The following GPHN variants were observed in gnomAD, a reference collection of about 807,000 sequenced individuals.
GPHN encodes the protein gephyrin.
A neutral mutation model predicts 95.5 loss-of-function variants in GPHN; 17 were observed. That is an observed-to-expected ratio of 0.18 (90% confidence interval 0.12 to 0.27). The LOEUF is 0.27. Among genes scored for constraint, GPHN ranks in the 10% least tolerant of loss-of-function variants. GPHN has a pLI of 1.00. For synonymous variants in GPHN, 320 were observed against 322.5 expected, an observed-to-expected ratio of 0.99 and a Z score of 0.08; for missense variants, 660 against 978.1, an observed-to-expected ratio of 0.67 and a Z score of 4.34.
the GPHN span, chr14:67,562,304 A>G: frequency 1.2e-6 from 2 of 1,613,962 alleles, no homozygotes; most frequent in Non-Finnish European, 1.7e-6. Context: ...TGCCCTGCAG[A>G]GCAAGGACTC....
chr14:67,262,473 G>C, the GPHN span, among the ~76,000 whole-genome samples: 1 of 151,990 alleles, frequency 6.6e-6, no homozygotes, highest in East Asian at 1.9e-4. Flanking sequence ...TTTGGCTCCT[G>C]GTCTCCAAAT....
intron 2 of GPHN, among the ~76,000 whole-genome samples, chr14:66,699,953 T>A (rs931711228): frequency 6.6e-6 from 1 of 152,226 alleles, no homozygotes; most frequent in African/African-American, 2.4e-5. Flanking sequence ...TTATGTTTTC[T>A]TATGACTGGA....
intron 1 of GPHN, among the ~76,000 whole-genome samples, chr14:66,543,164 A>G (rs1022725240): frequency 6.6e-6 from 1 of 152,074 alleles, no homozygotes; most frequent in African/African-American, 2.4e-5. Context: ...CTGTGATCCA[A>G]TCACCCCCTA....
the GPHN span, chr14:67,581,480 C>A: frequency 5.9e-6 from 1 of 169,064 alleles, no homozygotes; most frequent in South Asian, 1.5e-4. Context: ...GAGCTGAGAT[C>A]ACGCCACTGC....
At chr14:67,374,668 G>C in the GPHN span, 2 of 608,234 alleles carry the variant, frequency 3.3e-6, no homozygotes, top group Non-Finnish European at 5.1e-6. Flanking sequence ...TCTCAAATTA[G>C]TACTAGAAGT....
chr14:66,561,235 T>C (rs1046943469), intron 1 of GPHN, among the ~76,000 whole-genome samples: 48 of 152,204 alleles, frequency 3.2e-4, no homozygotes, highest in African/African-American at 1.2e-3. Flanking sequence ...GGCTTTGGTA[T>C]CAGGATGATG....
chr14:66,883,035 G>A (rs1261583339), intron 5 of GPHN, among the ~76,000 whole-genome samples: 5 of 151,634 alleles, frequency 3.3e-5, no homozygotes, highest in Non-Finnish European at 5.9e-5. Flanking sequence ...TGATGTATCT[G>A]GGTGTAGTTT....
intron 1 of GPHN, among the ~76,000 whole-genome samples, chr14:66,562,798 G>A (rs1308271241): frequency 2.6e-5 from 4 of 152,216 alleles, no homozygotes; most frequent in South Asian, 2.1e-4. Flanking sequence ...TGGTGATAAA[G>A]TATCAACTAA....
the GPHN span, among the ~76,000 whole-genome samples, chr14:67,560,247 G>T: frequency 6.6e-6 from 1 of 151,992 alleles, no homozygotes; most frequent in Non-Finnish European, 1.5e-5. Context: ...GGCTGGTCTC[G>T]AACTCCTGAC....
chr14:67,228,779 TG>T, the GPHN span, among the ~76,000 whole-genome samples: 1 of 152,212 alleles, frequency 6.6e-6, no homozygotes, highest in Non-Finnish European at 1.5e-5. Flanking sequence ...TTTCTAACAT[TG>T]GAGAATGTGA....
At chr14:67,410,916 T>C in the GPHN span, among the ~76,000 whole-genome samples, 1 of 152,072 alleles carries the variant, frequency 6.6e-6, no homozygotes. Context: ...GAGGCTAAGG[T>C]GGGCAGATGA....
At chr14:67,475,011 G>A in the GPHN span, among the ~76,000 whole-genome samples, 1 of 151,316 alleles carries the variant, frequency 6.6e-6, no homozygotes, top group East Asian at 1.9e-4. Context: ...CGCCTCCTGG[G>A]TTCAAGCGAT....
the GPHN span, among the ~76,000 whole-genome samples, chr14:67,367,157 A>G: frequency 8.5e-5 from 13 of 152,348 alleles, no homozygotes; most frequent in Non-Finnish European, 1.6e-4. Flanking sequence ...AACAGATTTC[A>G]GTTGCTTACC....
chr14:67,060,092 C>T (rs767940270), intron 11 of GPHN, among the ~76,000 whole-genome samples: 1 of 151,706 alleles, frequency 6.6e-6, no homozygotes, highest in African/African-American at 2.4e-5. Flanking sequence ...AATAAATAAA[C>T]CATCCCTGGT....
rs1594675381 is a variant in GPHN, at chr14:66,970,685, G to T, written c.963+5360G>T. ...AACCAAAATCAATAAGACTATACTA[G>T]ACATCAAGCTTCTTTGCTTTTGCTG... On this transcript the variant is annotated intron_variant, in intron 9 of 22. Coordinates refer to ENST00000478722, the MANE Select transcript of GPHN (RefSeq NM_020806.5). Among the ~76,000 whole-genome samples the T allele has an allele frequency of 5.3e-5, 8 of 152,100 alleles. No homozygotes were observed. In the South Asian group the frequency reaches 1.7e-3, roughly 32 times the overall value.
intron 4 of GPHN, among the ~76,000 whole-genome samples, chr14:66,876,872 G>A (rs1037834764): frequency 3.3e-5 from 5 of 152,000 alleles, no homozygotes; most frequent in Admixed American, 2.6e-4. Flanking sequence ...AGAAAAAGAG[G>A]GAATCCTCCT....
chr14:66,823,778 T>A (rs960384299), intron 3 of GPHN, among the ~76,000 whole-genome samples: 1 of 152,230 alleles, frequency 6.6e-6, no homozygotes, highest in African/African-American at 2.4e-5. Flanking sequence ...CTGCTATTTG[T>A]ATTTCACAAC....
chr14:67,585,870 T>C, the GPHN span: 1 of 1,439,922 alleles, frequency 6.9e-7, no homozygotes, highest in Non-Finnish European at 9.5e-7. Flanking sequence ...TTCCTGTGCC[T>C]AGAAGAGACA....
In GPHN at chr14:66,852,684, A is replaced by G. The variant is rs78333818; in HGVS notation, c.295-27255A>G. 1.9e-4 allele frequency among the ~76,000 whole-genome samples: 29 copies of G among 152,344 alleles called. No homozygotes were observed. In the East Asian group the frequency reaches 5.6e-3, roughly 29 times the overall value. On this transcript the variant is annotated intron_variant, in intron 4 of 22. Transcript: ENST00000478722. ...TGTATCGTTTTCTATCTGAGACAGT[A>G]GTCAAGCTAATTGTCTCTTTGTGAC...
Sources: gnomAD v4.1 joint callset for allele counts (sites outside exome capture counted in the v4.1 genomes callset) on GRCh38, gnomAD v4.1.1 for gene constraint, MANE v1.5 for transcripts, NCBI Gene and HGNC (gene_info 2026-07-23, HGNC 2026-07-21) for gene names.